Variants in SAMD3 observed in about 807,000 individuals in gnomAD.
SAMD3 encodes sterile alpha motif domain-containing protein 3.
Under a neutral mutation model 58.5 loss-of-function variants are expected in SAMD3, and 63 were observed. That is an observed-to-expected ratio of 1.08 (90% CI 0.88 to 1.33). The LOEUF is 1.33. Ranked by LOEUF, SAMD3 falls within the 40% of genes most tolerant of loss-of-function variation. The pLI is 0.00. For synonymous variants in SAMD3, 220 were observed against 210.3 expected (o/e 1.05, Z -0.40); for missense variants, 604 against 608.4 (o/e 0.99, Z 0.08).
chr6:130,349,974 A>G (rs1429013221), intron 1 of SAMD3, among the ~76,000 whole-genome samples: 1 of 152,252 alleles, frequency 6.6e-6, no homozygotes, highest in African/African-American at 2.4e-5. Context: ...CCAAAACCAC[A>G]TGATTATCTC....
chr6:130,165,189 TGAA>T (rs1213193284), intron 8 of SAMD3, among the ~76,000 whole-genome samples: 3 of 152,256 alleles, frequency 2.0e-5, no homozygotes, highest in East Asian at 1.9e-4. Context: ...CATCATAAAA[TGAA>T]GACCTCTTAG....
At chr6:130,317,733 A>T (rs1458893364) in intron 1 of SAMD3, among the ~76,000 whole-genome samples, 1 of 152,228 alleles carries the variant, frequency 6.6e-6, no homozygotes, top group Non-Finnish European at 1.5e-5. Flanking sequence ...AAAAAAATAT[A>T]CAAAACAGCA....
At chr6:130,246,621 G>A (rs751968242) in intron 2 of SAMD3, among the ~76,000 whole-genome samples, 46 of 152,034 alleles carry the variant, frequency 3.0e-4, no homozygotes, top group African/African-American at 1.0e-3. Flanking sequence ...CAGTTTGGCC[G>A]GGCTCATGCT....
chr6:130,173,297 A>C (rs1297038847), intron 8 of SAMD3, among the ~76,000 whole-genome samples: 1 of 152,178 alleles, frequency 6.6e-6, no homozygotes, highest in Non-Finnish European at 1.5e-5. Flanking sequence ...GCGTTTTTGC[A>C]CTGGTTTTTC....
chr6:130,262,443 G>GAAA (rs532773558), intron 2 of SAMD3, among the ~76,000 whole-genome samples: 2 of 140,406 alleles, frequency 1.4e-5, no homozygotes, highest in African/African-American at 2.6e-5. Flanking sequence ...TATTCTGTTA[G>GAAA]AAAAAAAAAA....
At chr6:130,269,375 T>G (rs1040734891) in intron 2 of SAMD3, among the ~76,000 whole-genome samples, 3 of 152,198 alleles carry the variant, frequency 2.0e-5, no homozygotes, top group Non-Finnish European at 4.4e-5. Context: ...TTTAAAAATA[T>G]GACTTCAATT....
intron 8 of SAMD3, among the ~76,000 whole-genome samples, chr6:130,174,219 G>T (rs942472161): frequency 6.6e-6 from 1 of 152,112 alleles, no homozygotes; most frequent in African/African-American, 2.4e-5. Context: ...GCGCCACTGG[G>T]GTATGAAAAA....
At chr6:130,344,081 C>G (rs1000330144) in intron 1 of SAMD3, among the ~76,000 whole-genome samples, 1 of 152,154 alleles carries the variant, frequency 6.6e-6, no homozygotes, top group Non-Finnish European at 1.5e-5. Flanking sequence ...AAAAGCTTTT[C>G]TGGCTTTTGT....
At chr6:130,337,783 G>A (rs572165878) in intron 1 of SAMD3, among the ~76,000 whole-genome samples, 6 of 152,308 alleles carry the variant, frequency 3.9e-5, no homozygotes, top group Middle Eastern at 3.4e-3. Flanking sequence ...TGCCCGTGCC[G>A]TAGAGATCTG....
At chr6:130,307,711 AG>A (rs1161470041) in intron 2 of SAMD3, among the ~76,000 whole-genome samples, 2 of 152,224 alleles carry the variant, frequency 1.3e-5, no homozygotes, top group African/African-American at 2.4e-5. Flanking sequence ...TATGTCCACA[AG>A]TTAGAATAAG....
chr6:130,160,644 G>A (rs1037349199), intron 8 of SAMD3: 6 of 152,104 alleles, frequency 3.9e-5, no homozygotes, highest in African/African-American at 1.2e-4. Flanking sequence ...ACTTAAAGGC[G>A]ATGAAATCTT....
At chr6:130,280,847 A>G (rs1294002406) in intron 2 of SAMD3, among the ~76,000 whole-genome samples, 1 of 152,190 alleles carries the variant, frequency 6.6e-6, no homozygotes, top group African/African-American at 2.4e-5. Context: ...TAATTATGAT[A>G]TGTGTAATAT....
At chr6:130,198,768 T>C (rs1794375627) in intron 5 of SAMD3, among the ~76,000 whole-genome samples, 1 of 152,156 alleles carries the variant, frequency 6.6e-6, no homozygotes, top group South Asian at 2.1e-4. Context: ...CTGTGACTCT[T>C]GAGAATTACA....
upstream of SAMD3, chr6:130,365,815 C>T: frequency 1.0e-6 from 1 of 985,598 alleles, no homozygotes; most frequent in Non-Finnish European, 1.2e-6. Context: ...CCGGCCTGGG[C>T]TCCTGCAGAG....
At chr6:130,241,523 C>T (rs927263910) in intron 2 of SAMD3, among the ~76,000 whole-genome samples, 2 of 152,054 alleles carry the variant, frequency 1.3e-5, no homozygotes, top group East Asian at 1.9e-4. Context: ...CTTAAACTTC[C>T]TGTGATTCTA....
At chr6:130,169,295 A>G (rs1044085839) in intron 8 of SAMD3, among the ~76,000 whole-genome samples, 2 of 152,170 alleles carry the variant, frequency 1.3e-5, no homozygotes, top group Non-Finnish European at 2.9e-5. Context: ...AGTGTACAAA[A>G]TACAGAAACA....
chr6:130,167,077 T>A (rs946842660), intron 8 of SAMD3, among the ~76,000 whole-genome samples: 5 of 152,078 alleles, frequency 3.3e-5, no homozygotes, highest in Non-Finnish European at 7.4e-5. Flanking sequence ...CAATTTATAG[T>A]GGGAACAGGA....
intron 2 of SAMD3, among the ~76,000 whole-genome samples, chr6:130,281,054 C>T (rs1583045520): frequency 1.4e-5 from 1 of 71,282 alleles, no homozygotes; most frequent in Non-Finnish European, 2.9e-5. Context: ...AAGAGATTAA[C>T]AACAATAGCT....
intron 5 of SAMD3, among the ~76,000 whole-genome samples, chr6:130,199,664 A>G (rs986603349): frequency 2.6e-5 from 4 of 152,192 alleles, no homozygotes; most frequent in Admixed American, 2.6e-4. Flanking sequence ...AGAAGTTTTG[A>G]AGAGCTCAAT....
Sources: gnomAD v4.1 joint callset for allele counts (sites outside exome capture counted in the v4.1 genomes callset) on GRCh38, gnomAD v4.1.1 for gene constraint, MANE v1.5 for transcripts, NCBI Gene and HGNC (gene_info 2026-07-23, HGNC 2026-07-21) for gene names.